Variants in MYOG observed in about 807,000 individuals in gnomAD.
MYOG encodes myogenin.
In MYOG, 6 loss-of-function variants were observed where a neutral mutation model predicts 17.7. The observed-to-expected ratio is 0.34, with a 90% CI of 0.19 to 0.67. The LOEUF (loss-of-function observed/expected upper bound fraction) is 0.67. Among genes scored for constraint, MYOG ranks in the 30% least tolerant of loss-of-function variants. MYOG has a pLI of 0.69. For missense variants in MYOG, 272 were observed against 302.0 expected (o/e 0.90, Z 0.74); for synonymous variants, 125 against 130.2 (o/e 0.96, Z 0.27).
rs759725587 is a variant in MYOG, at chr1:203,084,711, G to A, written c.489C>T (p.Ser163=). Residue 163 remains serine, a synonymous_variant, in exon 2 of 3, where the codon AGC becomes AGT. Coordinates refer to ENST00000241651, the MANE Select transcript of MYOG (RefSeq NM_002479.6). The part of the protein sequence containing the change: ...GPQPGVPSEC[S]SHSASCSPEW... Reference sequence around the variant, plus strand: ...CTGGACTGCAGGAGGCGCTGTGAGAGCTGCATTCGCTGGGCACCTGCAAGA... The same window carrying A: ...CTGGACTGCAGGAGGCGCTGTGAGAACTGCATTCGCTGGGCACCTGCAAGA... The A allele has an allele frequency of 2.5e-6, 4 of 1,609,588 alleles. No individual in the cohort carries two copies. The African/African-American group carries it at 5.3e-5, about 22-fold the overall frequency.
In MYOG at chr1:203,085,845, C is replaced by T; in HGVS notation, c.117G>A (p.Glu39=). 6.2e-7 allele frequency: 1 copy of T among 1,614,036 alleles called. No individual in the cohort carries two copies. Among genetic ancestry groups the T allele is most frequent in the South Asian group, 1.1e-5 (1 of 91,086 alleles). The part of the protein sequence containing the change: ...GFEPPGYERT[E]LTLSPEAPGP... ...CTGGGGCCTCGGGGCTCAGGGTGAG[C>T]TCCGTCCGCTCGTAGCCTGGTGGTT... The change falls in exon 1 of 3, where the codon GAG becomes GAA. Residue 39 remains glutamate (E), a synonymous_variant. Transcript: ENST00000241651.
rs760283058 is a variant in MYOG at position 203,084,719 on chromosome 1, C to T, written c.481G>A (p.Glu161Lys). The T allele has an allele frequency of 8.1e-6, 13 of 1,608,714 alleles. No individual in the cohort carries two copies. Among genetic ancestry groups the T allele is most frequent in the South Asian group, 4.4e-5 (4 of 89,946 alleles). Residue 161 changes from glutamate to lysine, a missense_variant, in exon 2 of 3, where the codon GAA becomes AAA. Coordinates refer to ENST00000241651, the MANE Select transcript of MYOG (RefSeq NM_002479.6). Reference protein sequence around the residue: ...GGGPQPGVPSECSSHSASCSP... With the variant: ...GGGPQPGVPSKCSSHSASCSP... ...CAGGAGGCGCTGTGAGAGCTGCATTCGCTGGGCACCTGCAAGACAGGGCGA... is the reference window on the plus strand; with the variant it reads ...CAGGAGGCGCTGTGAGAGCTGCATTTGCTGGGCACCTGCAAGACAGGGCGA...
Position 203,085,742 on chromosome 1 carries a change from T to C in MYOG, c.220A>G (p.Lys74Glu). ...CGGTCCACGGACACCGACTTCCTCT[T>C]ACACACCTTACACGCCCACGGCAGG... ...QCLPWACKVC[K>E]RKSVSVDRRR... The change falls in exon 1 of 3, where the codon AAG becomes GAG. Residue 74 changes from lysine to glutamate, a missense_variant. Physicochemically the swap from Lys to Glu is moderately conservative, Grantham distance 56 (BLOSUM62 1). Coordinates refer to ENST00000241651, the MANE Select transcript of MYOG (RefSeq NM_002479.6). 1.2e-6 allele frequency: 2 copies of C among 1,614,078 alleles called. No individual in the cohort carries two copies. Among genetic ancestry groups the C allele is most frequent in the Non-Finnish European group, 1.7e-6 (2 of 1,179,984 alleles).
chr1:203,085,467 C>T lies in MYOG; in HGVS notation c.471+24G>A, dbSNP rs947403489. The stretch of plus-strand genomic sequence containing the variant: ...TCCCTCTGGCCCCGTCCCCTTGGGG[C>T]AGGGGGATGGGATGGCCACTTACCC... On this transcript the variant is annotated intron_variant, in intron 1 of 2. Transcript: ENST00000241651. 19 of 1,591,562 alleles carry T rather than the reference C, an allele frequency of 1.2e-5. No homozygotes were observed. In the Admixed American group the frequency reaches 1.4e-4, roughly 11 times the overall value.
In MYOG at chr1:203,085,795, C is replaced by T. The variant is rs769207139; in HGVS notation, c.167G>A (p.Gly56Glu). The stretch of plus-strand genomic sequence containing the variant: ...CTGGCCTGGACAGTGCTCGGGGGTC[C>T]CCAGCCCCTTGTCCTCAAGGGGCCC... ...APGPLEDKGLGTPEHCPGQCL... is the reference protein window; with the variant it reads ...APGPLEDKGLETPEHCPGQCL... The change falls in exon 1 of 3, where the codon GGG becomes GAG. Residue 56 changes from glycine to glutamate, a missense_variant. By Grantham distance (98) the Gly-to-Glu change is moderately conservative (BLOSUM62 -2). Coordinates refer to ENST00000241651, the MANE Select transcript of MYOG (RefSeq NM_002479.6). 3.1e-6 allele frequency: 5 copies of T among 1,613,858 alleles called. No homozygotes were observed. Among genetic ancestry groups the T allele is most frequent in the Non-Finnish European group, 4.2e-6 (5 of 1,179,866 alleles).
rs1653595898 is a variant in MYOG, at chr1:203,085,480, T to G, written c.471+11A>C. On this transcript the variant is annotated intron_variant, in intron 1 of 2. Coordinates refer to ENST00000241651, the MANE Select transcript of MYOG (RefSeq NM_002479.6). ...GTCCCCTTGGGGCAGGGGGATGGGATGGCCACTTACCCCTGGCTGGGGCCC... is the reference window on the plus strand; with the variant it reads ...GTCCCCTTGGGGCAGGGGGATGGGAGGGCCACTTACCCCTGGCTGGGGCCC... 6.2e-7 allele frequency: 1 copy of G among 1,605,256 alleles called. No homozygotes were observed.
Position 203,085,856 on chromosome 1 carries a change from C to T in MYOG, c.106G>A (p.Glu36Lys), listed in dbSNP as rs141951943. 2.6e-5 allele frequency: 42 copies of T among 1,613,852 alleles called. No individual in the cohort carries two copies. The highest frequency in any genetic ancestry group is 3.3e-5 in the Non-Finnish European group (39 of 1,179,966). Reference sequence around the variant, plus strand: ...GGGCTCAGGGTGAGCTCCGTCCGCTCGTAGCCTGGTGGTTCGAAGCCCTGG... The same window carrying T: ...GGGCTCAGGGTGAGCTCCGTCCGCTTGTAGCCTGGTGGTTCGAAGCCCTGG... ...HLQGFEPPGY[E>K]RTELTLSPEA... Residue 36 changes from glutamate to lysine, a missense_variant, in exon 1 of 3, where the codon GAG (glutamate) becomes AAG (lysine). Physicochemically the swap from Glu to Lys is moderately conservative, Grantham distance 56. Coordinates refer to ENST00000241651, the MANE Select transcript of MYOG (RefSeq NM_002479.6).
rs1377591289 is a variant in MYOG, at chr1:203,085,557, C to T, written c.405G>A (p.Leu135=). The part of the protein sequence containing the change: ...AIQYIERLQA[L]LSSLNQEERD... The stretch of plus-strand genomic sequence containing the variant: ...GCTCCTCCTGGTTGAGGGAGCTGAG[C>T]AGGGCCTGGAGGCGCTCGATGTACT... Residue 135 remains leucine (L), a synonymous_variant, in exon 1 of 3, where the codon CTG becomes CTA. Coordinates refer to ENST00000241651, the MANE Select transcript of MYOG (RefSeq NM_002479.6). The T allele has an allele frequency of 1.9e-6, 3 of 1,614,184 alleles. No individual in the cohort carries two copies. The highest frequency in any genetic ancestry group is 1.7e-6 in the Non-Finnish European group (2 of 1,179,998).
rs575734353 is a variant in MYOG, at chr1:203,085,479, A to G, written c.471+12T>C. ...CGTCCCCTTGGGGCAGGGGGATGGG[A>G]TGGCCACTTACCCCTGGCTGGGGCC... is the stretch of plus-strand genomic sequence containing the variant. On this transcript the variant is annotated intron_variant, in intron 1 of 2. Coordinates refer to ENST00000241651, the MANE Select transcript of MYOG (RefSeq NM_002479.6). The G allele has an allele frequency of 5.0e-6, 8 of 1,604,504 alleles. No individual in the cohort carries two copies. The highest frequency in any genetic ancestry group is 6.8e-6 in the Non-Finnish European group (8 of 1,174,486).
Position 203,085,777 on chromosome 1 carries a change from G to A in MYOG, c.185C>T (p.Pro62Leu), listed in dbSNP as rs1653607745. 1 of 1,613,868 alleles carries A rather than the reference G, an allele frequency of 6.2e-7. No individual in the cohort carries two copies. Among genetic ancestry groups the A allele is most frequent in the African/African-American group, 1.3e-5 (1 of 74,918 alleles). Residue 62 changes from proline (P) to leucine (L), a missense_variant, in exon 1 of 3, where the codon CCA (proline) becomes CTA (leucine). Transcript: ENST00000241651. ...DKGLGTPEHCPGQCLPWACKV... is the reference protein window; with the variant it reads ...DKGLGTPEHCLGQCLPWACKV... Reference sequence around the variant, plus strand: ...ACACGCCCACGGCAGGCACTGGCCTGGACAGTGCTCGGGGGTCCCCAGCCC... The same window carrying A: ...ACACGCCCACGGCAGGCACTGGCCTAGACAGTGCTCGGGGGTCCCCAGCCC...
rs61739758 is a variant in MYOG, at chr1:203,085,814, G to A, written c.148C>T (p.Leu50Phe). 6.2e-7 allele frequency: 1 copy of A among 1,613,892 alleles called. No homozygotes were observed. The highest frequency in any genetic ancestry group is 1.7e-5 in the Admixed American group (1 of 60,004). ...GGGGTCCCCAGCCCCTTGTCCTCAA[G>A]GGGCCCTGGGGCCTCGGGGCTCAGG... Reference protein sequence around the residue: ...LTLSPEAPGPLEDKGLGTPEH... With the variant: ...LTLSPEAPGPFEDKGLGTPEH... The change falls in exon 1 of 3, where the codon CTT becomes TTT. Residue 50 changes from leucine to phenylalanine, a missense_variant. Coordinates refer to ENST00000241651, the MANE Select transcript of MYOG (RefSeq NM_002479.6).
chr1:203,085,072 A>C (rs1653585575), intron 1 of MYOG, among the ~76,000 whole-genome samples: 1 of 152,154 alleles, frequency 6.6e-6, no homozygotes, highest in South Asian at 2.1e-4. Context: ...GGCCTGCTGG[A>C]GTTCCAATGA....
rs577140716 is a variant in MYOG at position 203,084,171 on chromosome 1, C to A, written c.554-140G>T. ...AAGCTCCGGAGTTCTACTCCCTAGT[C>A]CCTGCCTTTCCCCATGCTCTGTGAG... On this transcript the variant is annotated intron_variant, in intron 2 of 2. Transcript: ENST00000241651. 3.0e-6 allele frequency: 3 copies of A among 991,870 alleles called. No individual in the cohort carries two copies. The South Asian group carries it at 4.7e-5, about 16-fold the overall frequency. 61.4% of individuals were successfully genotyped at this position (991,870 alleles called of 1,614,324 possible). A position where few individuals can be genotyped will look rare whatever the true frequency, so the allele number is the denominator to read the frequency against.
Position 203,084,670 on chromosome 1 carries a change from A to C in MYOG, c.530T>G (p.Leu177Arg). Residue 177 changes from leucine (L) to arginine (R), a missense_variant, in exon 2 of 3, where the codon CTG (leucine) becomes CGG (arginine). Coordinates refer to ENST00000241651, the MANE Select transcript of MYOG (RefSeq NM_002479.6). Reference protein sequence around the residue: ...ASCSPEWGSALEFSANPGDHL... With the variant: ...ASCSPEWGSAREFSANPGDHL... ...ACCCCCTGGGTTGGCGCTGAACTCC[A>C]GTGCACTGCCCCACTCTGGACTGCA... 1 of 1,611,526 alleles carries C rather than the reference A, an allele frequency of 6.2e-7. No individual in the cohort carries two copies. Among genetic ancestry groups the C allele is most frequent in the Non-Finnish European group, 8.5e-7 (1 of 1,178,822 alleles).
rs770940032 is a variant in MYOG at position 203,083,440 on chromosome 1, C to G, written c.*470G>C. On this transcript the variant is annotated 3_prime_UTR_variant, in exon 3 of 3. Coordinates refer to ENST00000241651, the MANE Select transcript of MYOG (RefSeq NM_002479.6). Reference sequence around the variant, plus strand: ...AGGGACTTGGGAACAGAGGGCTGTTCCTCTCCCCTTCTTCTCTCTCAATTC... The same window carrying G: ...AGGGACTTGGGAACAGAGGGCTGTTGCTCTCCCCTTCTTCTCTCTCAATTC... 1 of 383,160 alleles carries G rather than the reference C, an allele frequency of 2.6e-6. No individual in the cohort carries two copies. Among genetic ancestry groups the G allele is most frequent in the Non-Finnish European group, 4.6e-6 (1 of 215,288 alleles). The allele number at this position is 383,160 out of a possible 1,614,324, so 23.7% of individuals were successfully genotyped here.
chr1:203,085,852 C>T lies in MYOG; in HGVS notation c.110G>A (p.Arg37Gln), dbSNP rs115855025. ...LQGFEPPGYE[R>Q]TELTLSPEAP... ...CTCGGGGCTCAGGGTGAGCTCCGTC[C>T]GCTCGTAGCCTGGTGGTTCGAAGCC... The change falls in exon 1 of 3, where the codon CGG (arginine) becomes CAG (glutamine). Residue 37 changes from arginine (R) to glutamine (Q), a missense_variant. By Grantham distance (43) the Arg-to-Gln change is conservative (BLOSUM62 1). Transcript: ENST00000241651. 8,797 of 1,613,948 alleles carry T rather than the reference C, an allele frequency of 5.5e-3. 30 individuals carry two copies. Among genetic ancestry groups the T allele is most frequent in the Non-Finnish European group, 6.8e-3 (8,061 of 1,179,938 alleles).
chr1:203,083,979 G>C lies in MYOG; in HGVS notation c.606C>G (p.Thr202=). 6.3e-7 allele frequency: 1 copy of C among 1,594,174 alleles called. No homozygotes were observed. The highest frequency in any genetic ancestry group is 8.5e-7 in the Non-Finnish European group (1 of 1,169,884). Residue 202 remains threonine (T), a synonymous_variant, in exon 3 of 3, where the codon ACC becomes ACG. Coordinates refer to ENST00000241651, the MANE Select transcript of MYOG (RefSeq NM_002479.6). ...PTDAHNLHSL[T]SIVDSITVED... ...CCACTGTGATGCTGTCCACGATGGAGGTGAGGGAGTGCAGGTTGTGGGCAT... is the reference window on the plus strand; with the variant it reads ...CCACTGTGATGCTGTCCACGATGGACGTGAGGGAGTGCAGGTTGTGGGCAT...
Position 203,083,499 on chromosome 1 carries a change from A to G in MYOG, c.*411T>C, listed in dbSNP as rs1653538756. The G allele has an allele frequency of 2.4e-6, 1 of 421,624 alleles. No homozygotes were observed. 26.1% of individuals were successfully genotyped at this position (421,624 alleles called of 1,614,324 possible). A position where few individuals can be genotyped will look rare whatever the true frequency, so the allele number is the denominator to read the frequency against. On this transcript the variant is annotated 3_prime_UTR_variant, in exon 3 of 3. Transcript: ENST00000241651. ...CCCAGCCCAGCCACTGGCATCGGGAAGAGACCAGAACAGGAGACGTGCACA... is the reference window on the plus strand; with the variant it reads ...CCCAGCCCAGCCACTGGCATCGGGAGGAGACCAGAACAGGAGACGTGCACA...
intron 1 of MYOG, 152 bp from the exon 2 acceptor site, chr1:203,084,880 A>C (rs1315608945): frequency 5.5e-6 from 4 of 726,736 alleles, no homozygotes; most frequent in Middle Eastern, 4.0e-4. Context: ...CAACCCCAGA[A>C]TCTTTGTAAC....
Sources: gnomAD v4.1 joint callset for allele counts (sites outside exome capture counted in the v4.1 genomes callset) on GRCh38, gnomAD v4.1.1 for gene constraint, MANE v1.5 for transcripts, NCBI Gene and HGNC (gene_info 2026-07-23, HGNC 2026-07-21) for gene names.